STPG2: variants seen among roughly 807,000 people sequenced by gnomAD.
STPG2 encodes the protein sperm-tail PG-rich repeat-containing protein 2.
In STPG2, 56 loss-of-function variants were observed where a neutral mutation model predicts 54.2. The ratio of observed to expected loss-of-function variants is 1.03; its 90% CI spans 0.83 to 1.29. The LOEUF (loss-of-function observed/expected upper bound fraction) is 1.29. Among genes scored for constraint, STPG2 ranks in the 50% most tolerant of loss-of-function variants. The pLI, the probability that STPG2 is intolerant of heterozygous loss-of-function variation, is 0.00. For synonymous variants in STPG2, 200 were observed against 181.8 expected (o/e 1.10, Z -0.81); for missense variants, 596 against 544.9 (o/e 1.09, Z -0.93).
intron 4 of STPG2, among the ~76,000 whole-genome samples, chr4:97,531,282 T>C (rs1284610494): frequency 6.6e-6 from 1 of 152,206 alleles, no homozygotes; most frequent in African/African-American, 2.4e-5. Context: ...ACAACCACTA[T>C]GGAGAACAGT....
chr4:97,544,806 A>G (rs970745552), intron 4 of STPG2, among the ~76,000 whole-genome samples: 49 of 152,130 alleles, frequency 3.2e-4, no homozygotes, highest in Non-Finnish European at 8.8e-5. Flanking sequence ...GGCAAGAATT[A>G]TTTATTTCCA....
At chr4:98,066,863 C>T (rs917811628) in intron 5 of STPG2, among the ~76,000 whole-genome samples, 1 of 152,096 alleles carries the variant, frequency 6.6e-6, no homozygotes, top group Non-Finnish European at 1.5e-5. Context: ...TATTTATTTA[C>T]AAGCTTATTA....
At chr4:97,711,854 G>C (rs1019049253) in intron 10 of STPG2, among the ~76,000 whole-genome samples, 2 of 151,620 alleles carry the variant, frequency 1.3e-5, no homozygotes, top group Non-Finnish European at 1.5e-5. Flanking sequence ...ATTTTTAGTA[G>C]AGACAGGGTT....
intron 8 of STPG2, among the ~76,000 whole-genome samples, chr4:97,856,267 A>G (rs1729333237): frequency 1.3e-5 from 2 of 152,098 alleles, no homozygotes; most frequent in Non-Finnish European, 2.9e-5. Flanking sequence ...CAGAATGGCT[A>G]TTTTCATGAT....
intron 4 of STPG2, among the ~76,000 whole-genome samples, chr4:97,498,896 T>C (rs1206812594): frequency 6.6e-6 from 1 of 151,794 alleles, no homozygotes; most frequent in African/African-American, 2.4e-5. Flanking sequence ...CAACAGAATA[T>C]GCAGCCAGAA....
chr4:97,933,948 T>A (rs962062731), intron 8 of STPG2, among the ~76,000 whole-genome samples: 1 of 152,220 alleles, frequency 6.6e-6, no homozygotes, highest in Non-Finnish European at 1.5e-5. Context: ...TATAAATTAC[T>A]TTGGGCAGTA....
chr4:97,976,735 T>C (rs990752782), intron 6 of STPG2, among the ~76,000 whole-genome samples: 4 of 152,158 alleles, frequency 2.6e-5, no homozygotes, highest in Non-Finnish European at 4.4e-5. Context: ...TTCTTACTAA[T>C]CCTTAAAATA....
At chr4:97,864,544 C>G (rs1288005246) in intron 8 of STPG2, among the ~76,000 whole-genome samples, 1 of 152,032 alleles carries the variant, frequency 6.6e-6, no homozygotes, top group Non-Finnish European at 1.5e-5. Context: ...CAATGCCATC[C>G]CCATCAAGCT....
At chr4:97,589,471 T>C (rs1321329156) in intron 10 of STPG2, among the ~76,000 whole-genome samples, 1 of 152,136 alleles carries the variant, frequency 6.6e-6, no homozygotes, top group African/African-American at 2.4e-5. Flanking sequence ...AATTCATTGA[T>C]TCATATATTA....
intron 8 of STPG2, among the ~76,000 whole-genome samples, chr4:97,891,661 T>C (rs1328335804): frequency 6.6e-6 from 1 of 152,066 alleles, no homozygotes; most frequent in Non-Finnish European, 1.5e-5. Flanking sequence ...TTCATTTTCC[T>C]ACAAGTAGAA....
chr4:97,537,014 G>A (rs75567492), intron 4 of STPG2, among the ~76,000 whole-genome samples: 2,610 of 152,252 alleles, frequency 0.017, 66 homozygotes, highest in African/African-American at 0.058. Context: ...AGTTCACTAT[G>A]GAAAACTGTT....
chr4:97,697,783 AC>A (rs1428955215), intron 10 of STPG2, among the ~76,000 whole-genome samples: 1 of 152,150 alleles, frequency 6.6e-6, no homozygotes, highest in Non-Finnish European at 1.5e-5. Context: ...AAGGTGGAAA[AC>A]TGCTTAAGGT....
At chr4:97,594,704 T>A (rs1451940127) in intron 10 of STPG2, among the ~76,000 whole-genome samples, 1 of 151,996 alleles carries the variant, frequency 6.6e-6, no homozygotes, top group Non-Finnish European at 1.5e-5. Context: ...TCTCCAAGAA[T>A]GAAATTAAAG....
chr4:97,809,346 A>AC (rs1306936749), intron 9 of STPG2, among the ~76,000 whole-genome samples: 7 of 151,422 alleles, frequency 4.6e-5, no homozygotes, highest in Non-Finnish European at 8.8e-5. Flanking sequence ...TTCTAAAGAA[A>AC]CCCCCCCAAG....
chr4:97,808,244 C>T (rs1387953072), intron 9 of STPG2, among the ~76,000 whole-genome samples: 2 of 151,714 alleles, frequency 1.3e-5, no homozygotes, highest in African/African-American at 4.8e-5. Flanking sequence ...CAATTGACTG[C>T]CTATACAAAC....
intron 10 of STPG2, among the ~76,000 whole-genome samples, chr4:97,681,917 C>T (rs1723047557): frequency 6.6e-6 from 1 of 151,708 alleles, no homozygotes; most frequent in Admixed American, 6.6e-5. Context: ...ATATAATCAA[C>T]TATCCAATCT....
At chr4:97,660,085 C>T (rs1164676671) in intron 10 of STPG2, among the ~76,000 whole-genome samples, 2 of 151,702 alleles carry the variant, frequency 1.3e-5, no homozygotes, top group African/African-American at 2.4e-5. Context: ...TCACTGCAAG[C>T]TCCGCCTCCC....
intron 9 of STPG2, among the ~76,000 whole-genome samples, chr4:97,713,152 C>T (rs1469330033): frequency 6.6e-6 from 1 of 152,074 alleles, no homozygotes; most frequent in Non-Finnish European, 1.5e-5. Context: ...GGAGTTAGGG[C>T]TTGAGCTGCA....
intron 4 of STPG2, among the ~76,000 whole-genome samples, chr4:97,476,233 A>G (rs1730068274): frequency 6.6e-6 from 1 of 152,106 alleles, no homozygotes; most frequent in Non-Finnish European, 1.5e-5. Flanking sequence ...AAACTTCTAT[A>G]GTTTTCTTCA....
Sources: gnomAD v4.1 joint callset for allele counts (sites outside exome capture counted in the v4.1 genomes callset) on GRCh38, gnomAD v4.1.1 for gene constraint, MANE v1.5 for transcripts, NCBI Gene and HGNC (gene_info 2026-07-23, HGNC 2026-07-21) for gene names.